Variants in SPATS2 observed in about 807,000 individuals in gnomAD.
SPATS2 encodes spermatogenesis associated serine rich 2.
SPATS2 carries 38 observed loss-of-function variants against 63.7 expected under a neutral mutation model. The ratio of observed to expected loss-of-function variants is 0.60; its 90% CI spans 0.46 to 0.78. SPATS2 has a LOEUF of 0.78. SPATS2 is among the 30% of genes least tolerant of loss of function. SPATS2 has a pLI of 0.00. For missense variants in SPATS2, 588 were observed against 666.2 expected (o/e 0.88, Z 1.29); for synonymous variants, 207 against 232.9 (o/e 0.89, Z 1.01).
chr12:49,368,561 G>A (rs1386765289), intron 1 of SPATS2, among the ~76,000 whole-genome samples: 1 of 152,206 alleles, frequency 6.6e-6, no homozygotes, highest in Non-Finnish European at 1.5e-5. Flanking sequence ...AAATGTTCTT[G>A]TGCCATCTGC....
chr12:49,515,595 T>C (rs1325954414), intron 10 of SPATS2, among the ~76,000 whole-genome samples: 1 of 152,252 alleles, frequency 6.6e-6, no homozygotes, highest in Non-Finnish European at 1.5e-5. Context: ...TTTCATTACA[T>C]TGAGCAATAT....
intron 3 of SPATS2, among the ~76,000 whole-genome samples, chr12:49,482,470 C>T (rs1042385081): frequency 6.6e-6 from 1 of 152,162 alleles, no homozygotes; most frequent in African/African-American, 2.4e-5. Context: ...CTGTCTTTGG[C>T]TCCTGTAACT....
At chr12:49,500,671 C>G (rs1220393313) in intron 9 of SPATS2, among the ~76,000 whole-genome samples, 2 of 151,954 alleles carry the variant, frequency 1.3e-5, no homozygotes, top group Non-Finnish European at 2.9e-5. Context: ...ACTCGGGAGG[C>G]TGAGGCAGGA....
chr12:49,426,134 A>C (rs1447131444), intron 2 of SPATS2, among the ~76,000 whole-genome samples: 2 of 152,128 alleles, frequency 1.3e-5, no homozygotes, highest in African/African-American at 4.8e-5. Flanking sequence ...AGGGTAATGG[A>C]TAGCATCAGT....
chr12:49,436,864 A>G (rs1592394351), intron 2 of SPATS2, among the ~76,000 whole-genome samples: 1 of 103,348 alleles, frequency 9.7e-6, no homozygotes, highest in Admixed American at 1.1e-4. Flanking sequence ...CGGGGGGCTG[A>G]CCCCCCCACC....
At chr12:49,460,455 CA>C (rs144252136) in intron 2 of SPATS2, among the ~76,000 whole-genome samples, 7,460 of 149,646 alleles carry the variant, frequency 0.05, 365 homozygotes, top group African/African-American at 0.12. Flanking sequence ...GACTTCATCT[CA>C]AAAAAAAAGA....
intron 12 of SPATS2, among the ~76,000 whole-genome samples, chr12:49,524,270 CT>C (rs1487229532): frequency 6.6e-6 from 1 of 151,648 alleles, no homozygotes; most frequent in Non-Finnish European, 1.5e-5. Context: ...ATTTATGTAC[CT>C]TTTTCTTTCT....
intron 9 of SPATS2, among the ~76,000 whole-genome samples, chr12:49,501,656 C>A (rs1277288140): frequency 6.6e-6 from 1 of 152,156 alleles, no homozygotes; most frequent in Non-Finnish European, 1.5e-5. Flanking sequence ...TCTCTGTCGC[C>A]TAGGCTGGAG....
At chr12:49,467,933 C>T (rs1213790436) in intron 3 of SPATS2, among the ~76,000 whole-genome samples, 1 of 151,980 alleles carries the variant, frequency 6.6e-6, no homozygotes, top group Non-Finnish European at 1.5e-5. Context: ...CGGGGTTTCA[C>T]GGTATTAGCC....
Position 49,490,759 on chromosome 12 carries a change from A to G in SPATS2, c.264+28A>G, listed in dbSNP as rs202113275. ...AAAATGAATTACATTTAAAAGCATG[A>G]TGATGTGTATATTATTTTTAAAAAT... On this transcript the variant is annotated intron_variant, in intron 6 of 13. Coordinates refer to ENST00000552918, the MANE Select transcript of SPATS2 (RefSeq NM_023071.4). 3.1e-6 allele frequency: 5 copies of G among 1,604,114 alleles called. No individual in the cohort carries two copies. The African/African-American group carries it at 6.7e-5, about 21-fold the overall frequency.
chr12:49,386,068 C>A (rs925722847), intron 2 of SPATS2, among the ~76,000 whole-genome samples: 1 of 151,760 alleles, frequency 6.6e-6, no homozygotes, highest in African/African-American at 2.4e-5. Context: ...GGGGTTTCAC[C>A]ATGTTGGCCA....
chr12:49,502,907 C>T (rs1946588777), intron 9 of SPATS2, among the ~76,000 whole-genome samples: 1 of 152,162 alleles, frequency 6.6e-6, no homozygotes, highest in South Asian at 2.1e-4. Context: ...TATCTAAATC[C>T]CACCATTTCT....
chr12:49,459,412 G>A (rs1031408536), intron 2 of SPATS2, among the ~76,000 whole-genome samples: 4 of 151,824 alleles, frequency 2.6e-5, no homozygotes, highest in Non-Finnish European at 5.9e-5. Flanking sequence ...GCAATGGTGC[G>A]ATCTTGGCTC....
At chr12:49,503,851 G>T (rs1946610807) in intron 9 of SPATS2, among the ~76,000 whole-genome samples, 1 of 152,158 alleles carries the variant, frequency 6.6e-6, no homozygotes, top group South Asian at 2.1e-4. Flanking sequence ...ACCCAGCCAG[G>T]AGGAGCCTCC....
intron 3 of SPATS2, among the ~76,000 whole-genome samples, chr12:49,473,211 T>C (rs1045137065): frequency 7.2e-5 from 11 of 152,096 alleles, no homozygotes; most frequent in African/African-American, 2.4e-4. Context: ...GTTCAGGAGT[T>C]TGAAACCAGT....
At chr12:49,511,591 C>T (rs1946754390) in intron 9 of SPATS2, among the ~76,000 whole-genome samples, 1 of 152,138 alleles carries the variant, frequency 6.6e-6, no homozygotes, top group African/African-American at 2.4e-5. Context: ...AGCCTTTCAT[C>T]ACTCTCTGGG....
At chr12:49,465,380 A>G (rs555363958) in intron 3 of SPATS2, among the ~76,000 whole-genome samples, 1 of 150,424 alleles carries the variant, frequency 6.6e-6, no homozygotes, top group African/African-American at 2.5e-5. Flanking sequence ...TTTTTTTATT[A>G]TTATAGCTAT....
intron 2 of SPATS2, among the ~76,000 whole-genome samples, chr12:49,437,344 A>T (rs1029616316): frequency 2.0e-5 from 3 of 148,618 alleles, no homozygotes; most frequent in African/African-American, 7.5e-5. Context: ...CACTTTCCAG[A>T]CTGGGCAGCC....
chr12:49,522,922 C>T, intron 12 of SPATS2, 69 bp downstream of exon 12: 1 of 1,311,874 alleles, frequency 7.6e-7, no homozygotes, highest in South Asian at 1.3e-5. Context: ...TGCTGATTGT[C>T]TTCACCACTG....
Sources: gnomAD v4.1 joint callset for allele counts (sites outside exome capture counted in the v4.1 genomes callset) on GRCh38, gnomAD v4.1.1 for gene constraint, MANE v1.5 for transcripts, NCBI Gene and HGNC (gene_info 2026-07-23, HGNC 2026-07-21) for gene names.